Variants in SLC43A3 observed in about 807,000 individuals in gnomAD.
The protein encoded by SLC43A3 is solute carrier family 43 member 3.
In SLC43A3, 33 loss-of-function variants were observed where a neutral mutation model predicts 53.3. The ratio of observed to expected loss-of-function variants is 0.62; its 90% CI spans 0.47 to 0.83. The LOEUF (loss-of-function observed/expected upper bound fraction) is 0.83. Ranked by LOEUF, SLC43A3 falls within the 40% of genes least tolerant of loss-of-function variation. The probability of loss-of-function intolerance (pLI) is 0.00; values close to 1 mark genes in which losing one functional copy is unlikely to be tolerated. For missense variants in SLC43A3, 530 were observed against 610.0 expected (o/e 0.87, Z 1.38); for synonymous variants, 236 against 246.2 (o/e 0.96, Z 0.39).
Position 57,410,084 on chromosome 11 carries a change from C to A in SLC43A3, c.1098G>T (p.Val366=). Residue 366 remains valine (V), a synonymous_variant, in exon 12 of 14, where the codon GTG becomes GTT. Transcript: ENST00000395124. Reference sequence around the variant, plus strand: ...GCAGGGATGTCAGGGCCAGCGAAGGCACCGTCGAGCAGAGGGCCACCGCCA... The same window carrying A: ...GCAGGGATGTCAGGGCCAGCGAAGGAACCGTCGAGCAGAGGGCCACCGCCA... ...STLAVALCST[V]PSLALTSLLC... is the part of the protein sequence containing the mutation. 6.2e-7 allele frequency: 1 copy of A among 1,609,594 alleles called. No homozygotes were observed. Among genetic ancestry groups the A allele is most frequent in the Non-Finnish European group, 8.5e-7 (1 of 1,178,274 alleles).
chr11:57,411,630 A>T (rs1475633007), intron 11 of SLC43A3, among the ~76,000 whole-genome samples: 1 of 152,106 alleles, frequency 6.6e-6, no homozygotes, highest in Non-Finnish European at 1.5e-5. Flanking sequence ...GTACCACTGT[A>T]CTCCAGCTTG....
chr11:57,415,044 G>T lies in SLC43A3; in HGVS notation c.832C>A (p.Arg278Ser). The stretch of plus-strand genomic sequence containing the variant: ...AGCCACACCAGGTGCCAGGCAAAGC[G>T]CCGAGAGAAAGCGTAGCTCCAGAAG... Reference protein sequence around the residue: ...RSFWSYAFSRRFAWHLVWLSV... With the variant: ...RSFWSYAFSRSFAWHLVWLSV... Residue 278 changes from arginine to serine, a missense_variant, in exon 10 of 14, where the codon CGC (arginine) becomes AGC (serine). By Grantham distance (110) the Arg-to-Ser change is moderately radical. Coordinates refer to ENST00000395124, the MANE Select transcript of SLC43A3 (RefSeq NM_199329.3). 6.2e-7 allele frequency: 1 copy of T among 1,614,164 alleles called. No homozygotes were observed. Among genetic ancestry groups the T allele is most frequent in the Non-Finnish European group, 8.5e-7 (1 of 1,180,010 alleles).
At chr11:57,413,219 C>T (rs1270892496) in intron 11 of SLC43A3, among the ~76,000 whole-genome samples, 1 of 152,060 alleles carries the variant, frequency 6.6e-6, no homozygotes, top group Non-Finnish European at 1.5e-5. Flanking sequence ...AACAAATAAA[C>T]AAGAAAAGGT....
At chr11:57,420,429 C>T (rs1417413799) in intron 7 of SLC43A3, among the ~76,000 whole-genome samples, 3 of 152,162 alleles carry the variant, frequency 2.0e-5, no homozygotes, top group African/African-American at 7.2e-5. Context: ...CTGGGCTAAG[C>T]GGGTCACTGC....
chr11:57,409,132 GC>G, intron 13 of SLC43A3, 42 bp downstream of exon 13: 1 of 1,610,306 alleles, frequency 6.2e-7, no homozygotes, highest in African/African-American at 1.3e-5. Flanking sequence ...AAGGCCTAAG[GC>G]CCAGGCCTCC....
intron 12 of SLC43A3, among the ~76,000 whole-genome samples, chr11:57,409,670 A>G (rs896105489): frequency 2.6e-5 from 4 of 152,238 alleles, no homozygotes; most frequent in Non-Finnish European, 5.9e-5. Context: ...TGGAGAACTG[A>G]AACAGAAGTG....
intron 11 of SLC43A3, among the ~76,000 whole-genome samples, chr11:57,411,471 CAAAAAAAAAAAAAAAAAAAAAAA>C (rs56994898): frequency 1.3e-5 from 1 of 78,878 alleles, no homozygotes; most frequent in African/African-American, 5.7e-5. Flanking sequence ...CCTTCCTCTA[CAAAAAAAAAAAAAAAAAAAAAAA>C]AAAAAAAAAA....
At chr11:57,421,399 G>A (rs746029920) in intron 5 of SLC43A3, 26 bp from the exon 6 acceptor site, 3 of 1,598,510 alleles carry the variant, frequency 1.9e-6, no homozygotes, top group Non-Finnish European at 2.6e-6. Flanking sequence ...CAGAGGTAGG[G>A]TGGTGTCATA....
chr11:57,410,893 T>G (rs1040069583), intron 11 of SLC43A3, among the ~76,000 whole-genome samples: 11 of 152,204 alleles, frequency 7.2e-5, no homozygotes, highest in African/African-American at 2.7e-4. Context: ...GTTTCCACTT[T>G]TGATTCTTCC....
chr11:57,416,698 G>A (rs111629654), intron 8 of SLC43A3, 28 bp from the exon 9 acceptor site: 38 of 1,580,852 alleles, frequency 2.4e-5, no homozygotes, highest in South Asian at 1.6e-4. Flanking sequence ...CCACCAGCAA[G>A]GCCAAGGACT....
chr11:57,414,792 G>T, intron 10 of SLC43A3, 61 bp from the exon 11 acceptor site: 1 of 1,533,564 alleles, frequency 6.5e-7, no homozygotes, highest in South Asian at 1.1e-5. Context: ...TCCAGGCAGG[G>T]ACTCTCCCAC....
At chr11:57,425,466 T>A in intron 4 of SLC43A3, 75 bp downstream of exon 4, 1 of 1,527,250 alleles carries the variant, frequency 6.5e-7, no homozygotes, top group Non-Finnish European at 9.0e-7. Flanking sequence ...TGACTCTGGA[T>A]TTCACTCCAA....
intron 7 of SLC43A3, 28 bp from the exon 8 acceptor site, chr11:57,417,915 G>A (rs2135025243): frequency 6.2e-7 from 1 of 1,610,950 alleles, no homozygotes; most frequent in Non-Finnish European, 8.5e-7. Context: ...AAAAGTCAGT[G>A]TCACACCCAC....
At chr11:57,425,501 C>T in intron 4 of SLC43A3, 40 bp downstream of exon 4, 1 of 1,603,774 alleles carries the variant, frequency 6.2e-7, no homozygotes. Flanking sequence ...TGAAGGATTC[C>T]TCTTACCCAC....
At chr11:57,425,461 CTG>C in intron 4 of SLC43A3, 78 bp downstream of exon 4, 1 of 1,507,258 alleles carries the variant, frequency 6.6e-7, no homozygotes. Context: ...CTGTCTGACT[CTG>C]GATTTCACTC....
chr11:57,416,528 G>A (rs368447601), intron 9 of SLC43A3, 45 bp downstream of exon 9: 15 of 1,494,236 alleles, frequency 1.0e-5, no homozygotes, highest in Middle Eastern at 1.7e-4. Context: ...GGCACAAGGA[G>A]AGGCTTGGGT....
At chr11:57,415,344 A>G in intron 9 of SLC43A3, 1 of 1,496,332 alleles carries the variant, frequency 6.7e-7, no homozygotes, top group Non-Finnish European at 8.9e-7. Flanking sequence ...TTGAAATCCG[A>G]TCTGTCTCTC....
At chr11:57,409,638 A>C (rs937366298) in intron 12 of SLC43A3, among the ~76,000 whole-genome samples, 2 of 152,244 alleles carry the variant, frequency 1.3e-5, no homozygotes, top group Admixed American at 6.5e-5. Context: ...AAAGAAGGGA[A>C]GACACTTTTC....
intron 11 of SLC43A3, among the ~76,000 whole-genome samples, chr11:57,413,400 A>T (rs1228684959): frequency 6.6e-6 from 1 of 152,164 alleles, no homozygotes; most frequent in Non-Finnish European, 1.5e-5. Context: ...TGAAGAAATT[A>T]TTGTTATTTT....
Sources: gnomAD v4.1 joint callset for allele counts (sites outside exome capture counted in the v4.1 genomes callset) on GRCh38, gnomAD v4.1.1 for gene constraint, MANE v1.5 for transcripts, NCBI Gene and HGNC (gene_info 2026-07-23, HGNC 2026-07-21) for gene names.